Variants in ST6GALNAC3 observed in about 807,000 individuals in gnomAD.
The protein encoded by ST6GALNAC3 is alpha-N-acetylgalactosaminide alpha-2,6-sialyltransferase 3.
A neutral mutation model predicts 32.7 loss-of-function variants in ST6GALNAC3; 25 were observed. The observed-to-expected ratio is 0.76, with a 90% CI of 0.56 to 1.07. The LOEUF is 1.07. Ranked by LOEUF, ST6GALNAC3 falls within the 50% of genes least tolerant of loss-of-function variation. The pLI is 0.00. For missense variants in ST6GALNAC3, 355 were observed against 382.4 expected, an observed-to-expected ratio of 0.93 and a Z score of 0.60; for synonymous variants, 129 against 133.1, an observed-to-expected ratio of 0.97 and a Z score of 0.21.
At chr1:76,246,655 A>C (rs1347280229) in intron 1 of ST6GALNAC3, among the ~76,000 whole-genome samples, 1 of 152,110 alleles carries the variant, frequency 6.6e-6, no homozygotes, top group African/African-American at 2.4e-5. Context: ...CAGCTCCATC[A>C]GGTCATTTAT....
At chr1:76,417,259 G>C (rs1265395526) in intron 3 of ST6GALNAC3, among the ~76,000 whole-genome samples, 1 of 144,656 alleles carries the variant, frequency 6.9e-6, no homozygotes, top group Non-Finnish European at 1.5e-5. Context: ...TCATTGGTTA[G>C]TGGTCACTTT....
At chr1:76,250,616 TC>T (rs773203640) in intron 1 of ST6GALNAC3, among the ~76,000 whole-genome samples, 5 of 152,128 alleles carry the variant, frequency 3.3e-5, no homozygotes, top group Non-Finnish European at 7.3e-5. Flanking sequence ...CAAGTACACT[TC>T]CAAGGGCTGA....
At chr1:76,221,030 A>G (rs987566608) in intron 1 of ST6GALNAC3, among the ~76,000 whole-genome samples, 6 of 151,372 alleles carry the variant, frequency 4.0e-5, no homozygotes, top group Admixed American at 3.9e-4. Context: ...GCTTTGGAGC[A>G]ATCAATGCAG....
intron 2 of ST6GALNAC3, among the ~76,000 whole-genome samples, chr1:76,372,441 A>G (rs1044520435): frequency 1.3e-5 from 2 of 152,064 alleles, no homozygotes; most frequent in African/African-American, 4.8e-5. Flanking sequence ...TTTCATGAAA[A>G]AAATTCCAAT....
chr1:76,311,919 T>C (rs1410225476), intron 1 of ST6GALNAC3, among the ~76,000 whole-genome samples: 1 of 152,216 alleles, frequency 6.6e-6, no homozygotes, highest in Non-Finnish European at 1.5e-5. Context: ...CGTTCCTATT[T>C]CTGCATGTCC....
Position 76,373,116 on chromosome 1 carries a change from A to G in ST6GALNAC3, c.214-38892A>G, listed in dbSNP as rs552977052. On this transcript the variant is annotated intron_variant, in intron 2 of 4. Coordinates refer to ENST00000328299, the MANE Select transcript of ST6GALNAC3 (RefSeq NM_152996.4). ...CTGGCTTCTGCCTTTTTGTGATAAC[A>G]GATGGTAACAGGAATGACACCACAC... Among the ~76,000 whole-genome samples, 116 of 152,214 alleles carry G rather than the reference A, an allele frequency of 7.6e-4. No homozygotes were observed. The Middle Eastern group carries it at 0.024, about 31-fold the overall frequency.
At chr1:76,126,001 C>A (rs1356783816) in intron 1 of ST6GALNAC3, among the ~76,000 whole-genome samples, 3 of 152,160 alleles carry the variant, frequency 2.0e-5, no homozygotes, top group African/African-American at 7.2e-5. Flanking sequence ...GTGTTGGAGA[C>A]AGCAAGGTCC....
chr1:76,592,137 CT>C (rs769885449), intron 3 of ST6GALNAC3, among the ~76,000 whole-genome samples: 60 of 152,066 alleles, frequency 3.9e-4, no homozygotes, highest in Non-Finnish European at 1.6e-4. Context: ...ACATAATCAG[CT>C]TTGCTTTATA....
At chr1:76,543,310 A>G (rs1212195686) in intron 3 of ST6GALNAC3, among the ~76,000 whole-genome samples, 1 of 152,204 alleles carries the variant, frequency 6.6e-6, no homozygotes, top group Non-Finnish European at 1.5e-5. Context: ...ATTGTTCAAT[A>G]TAACAATCCA....
chr1:76,079,569 T>C (rs1281699284), intron 1 of ST6GALNAC3, among the ~76,000 whole-genome samples: 2 of 152,218 alleles, frequency 1.3e-5, no homozygotes, highest in African/African-American at 4.8e-5. Context: ...ATGAGGCTTA[T>C]GAACATGAAG....
At chr1:76,485,254 T>C (rs368013341) in intron 3 of ST6GALNAC3, among the ~76,000 whole-genome samples, 1 of 151,994 alleles carries the variant, frequency 6.6e-6, no homozygotes, top group Non-Finnish European at 1.5e-5. Context: ...GTTAGGGAGG[T>C]TTCCCTCTTT....
intron 1 of ST6GALNAC3, among the ~76,000 whole-genome samples, chr1:76,221,290 A>G (rs1020414518): frequency 6.6e-6 from 1 of 152,174 alleles, no homozygotes; most frequent in African/African-American, 2.4e-5. Context: ...TGCATCATAA[A>G]CTTACGTTTT....
At chr1:76,165,660 C>T (rs948876711) in intron 1 of ST6GALNAC3, among the ~76,000 whole-genome samples, 18 of 152,168 alleles carry the variant, frequency 1.2e-4, no homozygotes, top group African/African-American at 4.1e-4. Flanking sequence ...TCCTTTTTCT[C>T]CACAACTTCA....
chr1:76,121,389 C>T (rs1648860683), intron 1 of ST6GALNAC3, among the ~76,000 whole-genome samples: 1 of 152,166 alleles, frequency 6.6e-6, no homozygotes, highest in Admixed American at 6.5e-5. Flanking sequence ...GCCTTGCCTC[C>T]CCACTGTCTG....
intron 3 of ST6GALNAC3, among the ~76,000 whole-genome samples, chr1:76,467,348 G>T (rs1658706851): frequency 1.3e-5 from 2 of 151,972 alleles, no homozygotes; most frequent in Admixed American, 6.6e-5. Flanking sequence ...ATCCCAAAGA[G>T]CCATAGGACA....
chr1:76,617,172 T>C (rs1280795867), intron 3 of ST6GALNAC3, among the ~76,000 whole-genome samples: 1 of 152,182 alleles, frequency 6.6e-6, no homozygotes, highest in Non-Finnish European at 1.5e-5. Flanking sequence ...TCAGAAATGA[T>C]TTTTGTCAGA....
intron 3 of ST6GALNAC3, among the ~76,000 whole-genome samples, chr1:76,535,345 A>G (rs933600618): frequency 2.0e-5 from 3 of 152,296 alleles, no homozygotes; most frequent in South Asian, 2.1e-4. Flanking sequence ...ACCAAACAAT[A>G]CCAGGAATTC....
chr1:76,143,768 T>C (rs1422344055), intron 1 of ST6GALNAC3, among the ~76,000 whole-genome samples: 2 of 152,142 alleles, frequency 1.3e-5, no homozygotes, highest in African/African-American at 2.4e-5. Flanking sequence ...GGATAAGGCA[T>C]TTCTCATGTG....
At chr1:76,153,872 T>C (rs1651211188) in intron 1 of ST6GALNAC3, among the ~76,000 whole-genome samples, 1 of 152,170 alleles carries the variant, frequency 6.6e-6, no homozygotes. Flanking sequence ...CATTTTGCTG[T>C]TTGTCCAAAC....
Sources: allele counts gnomAD v4.1 joint callset (sites outside exome capture counted in the v4.1 genomes callset), GRCh38; gene constraint gnomAD v4.1.1; transcripts MANE v1.5; gene names NCBI Gene and HGNC (gene_info 2026-07-23, HGNC 2026-07-21).